ITPR1: variants seen among roughly 807,000 people sequenced by gnomAD.
The protein encoded by ITPR1 is inositol 1,4,5-trisphosphate receptor type 1.
A neutral mutation model predicts 318.4 loss-of-function variants in ITPR1; 96 were observed. The ratio of observed to expected loss-of-function variants is 0.30; its 90% CI spans 0.26 to 0.36. The LOEUF (loss-of-function observed/expected upper bound fraction) is 0.36. ITPR1 is among the 10% of genes least tolerant of loss of function. The pLI is 1.00. For missense variants in ITPR1, 2,440 were observed against 3,460.2 expected, an observed-to-expected ratio of 0.71 and a Z score of 7.40; for synonymous variants, 1,312 against 1,289.9, an observed-to-expected ratio of 1.02 and a Z score of -0.37.
At chr3:4,725,256 G>A (rs1319882424) in intron 40 of ITPR1, among the ~76,000 whole-genome samples, 1 of 152,016 alleles carries the variant, frequency 6.6e-6, no homozygotes, top group Non-Finnish European at 1.5e-5. Flanking sequence ...TTGTTTTAAA[G>A]CATCATTCCT....
At chr3:4,724,717 T>C (rs371043345) in intron 40 of ITPR1, among the ~76,000 whole-genome samples, 2 of 152,278 alleles carry the variant, frequency 1.3e-5, no homozygotes, top group East Asian at 3.9e-4. Flanking sequence ...GGTGGACTTT[T>C]CTCCAGGCAC....
chr3:4,777,169 A>G, intron 47 of ITPR1, 95 bp from the exon 48 acceptor site: 1 of 697,330 alleles, frequency 1.4e-6, no homozygotes, highest in Non-Finnish European at 2.5e-6. Context: ...TGGGAGTGGT[A>G]AGCATTGTGT....
At chr3:4,513,579 T>C (rs1304394978) in intron 2 of ITPR1, among the ~76,000 whole-genome samples, 1 of 152,224 alleles carries the variant, frequency 6.6e-6, no homozygotes, top group Non-Finnish European at 1.5e-5. Flanking sequence ...CTTATTCACT[T>C]ATCTCGGCCA....
At position 4,735,156 on chromosome 3, in the gene ITPR1, C is replaced by G; in HGVS notation, c.5354-8C>G. On this transcript the variant is annotated splice_polypyrimidine_tract_variant and splice_region_variant and intron_variant, in intron 43 of 61. Transcript: ENST00000649015. ...GTGCTTAGTAAAAACAATATTCCAT[C>G]TTCTTAGGGGGAGGTTCCGGATCCA... The G allele has an allele frequency of 6.2e-7, 1 of 1,608,544 alleles. No individual in the cohort carries two copies. The highest frequency in any genetic ancestry group is 8.5e-7 in the Non-Finnish European group (1 of 1,175,418).
At chr3:4,645,845 C>T (rs2093443553) in intron 10 of ITPR1, 117 bp downstream of exon 10, 7 of 859,450 alleles carry the variant, frequency 8.1e-6, no homozygotes, top group South Asian at 1.5e-5. Flanking sequence ...TGTGTCTATA[C>T]ACCCACATAC....
At chr3:4,532,515 C>T (rs373394489) in intron 4 of ITPR1, among the ~76,000 whole-genome samples, 19 of 152,128 alleles carry the variant, frequency 1.2e-4, no homozygotes, top group African/African-American at 3.9e-4. Flanking sequence ...GGATTACAGG[C>T]GTGTGTCACC....
At chr3:4,531,779 C>T (rs1458574939) in intron 4 of ITPR1, among the ~76,000 whole-genome samples, 1 of 152,182 alleles carries the variant, frequency 6.6e-6, no homozygotes, top group South Asian at 2.1e-4. Flanking sequence ...AATGCCCACT[C>T]AACCTTCAAA....
intron 51 of ITPR1, among the ~76,000 whole-genome samples, chr3:4,785,026 A>T (rs2047093771): frequency 6.6e-6 from 1 of 152,268 alleles, no homozygotes; most frequent in African/African-American, 2.4e-5. Context: ...AGTTAAAAAG[A>T]AGACAAGCTG....
intron 44 of ITPR1, among the ~76,000 whole-genome samples, chr3:4,757,861 G>A (rs1241211416): frequency 6.6e-6 from 1 of 152,176 alleles, no homozygotes; most frequent in Non-Finnish European, 1.5e-5. Context: ...AGACAGCCAA[G>A]GTAAGCCCCA....
intron 5 of ITPR1, among the ~76,000 whole-genome samples, chr3:4,628,888 C>A (rs949996502): frequency 6.6e-6 from 1 of 152,254 alleles, no homozygotes; most frequent in African/African-American, 2.4e-5. Context: ...AGAGGTCCTG[C>A]CTCTCACCTT....
intron 33 of ITPR1, 60 bp downstream of exon 33, chr3:4,693,801 C>T: frequency 6.5e-7 from 1 of 1,534,156 alleles, no homozygotes; most frequent in South Asian, 1.2e-5. Context: ...GCTGTCGTGG[C>T]TCACTGGGAG....
At chr3:4,609,025 A>C (rs12635972) in intron 4 of ITPR1, among the ~76,000 whole-genome samples, 2 of 125,658 alleles carry the variant, frequency 1.6e-5, no homozygotes, top group East Asian at 2.8e-4. Flanking sequence ...AAAAAAAAAA[A>C]CAAAAGAAAA....
chr3:4,561,047 C>T (rs77467161), intron 4 of ITPR1, among the ~76,000 whole-genome samples: 1,917 of 152,254 alleles, frequency 0.013, 23 homozygotes, highest in African/African-American at 0.018. Context: ...GTCCATAGAA[C>T]GAGGAGGAGA....
chr3:4,730,790 A>G (rs2042876403), intron 42 of ITPR1, among the ~76,000 whole-genome samples: 1 of 152,156 alleles, frequency 6.6e-6, no homozygotes, highest in South Asian at 2.1e-4. Context: ...GACCCCCTTA[A>G]GAGATGTGTG....
chr3:4,709,408 T>C (rs1214536040), intron 37 of ITPR1, among the ~76,000 whole-genome samples: 2 of 152,254 alleles, frequency 1.3e-5, no homozygotes, highest in Non-Finnish European at 2.9e-5. Flanking sequence ...GATGAAAGAT[T>C]AGTTAATTCT....
At chr3:4,811,800 T>A (rs2048956510) in intron 56 of ITPR1, among the ~76,000 whole-genome samples, 1 of 152,188 alleles carries the variant, frequency 6.6e-6, no homozygotes, top group Admixed American at 6.5e-5. Flanking sequence ...GGATCAATAC[T>A]TAAAGAAAAA....
At chr3:4,775,889 A>G (rs1165749837) in intron 47 of ITPR1, among the ~76,000 whole-genome samples, 2 of 152,236 alleles carry the variant, frequency 1.3e-5, no homozygotes, top group Non-Finnish European at 2.9e-5. Flanking sequence ...GGACATTTTT[A>G]TAGTTGAGAT....
rs749854946 is a variant in ITPR1, at chr3:4,846,588, T to C, written c.*363T>C. 20 of 163,614 alleles carry C rather than the reference T, an allele frequency of 1.2e-4. No homozygotes were observed. Among genetic ancestry groups the C allele is most frequent in the Non-Finnish European group, 1.7e-4 (13 of 75,222 alleles). The allele number at this position is 163,614 out of a possible 1,614,324, so 10.1% of individuals were successfully genotyped here. ...TTATGTTTTTTATAAAACTGTGCAA[T>C]ACGAATTATGCAATCACAATACATT... On this transcript the variant is annotated 3_prime_UTR_variant, in exon 62 of 62. Transcript: ENST00000649015.
At chr3:4,719,265 C>A (rs943656238) in intron 40 of ITPR1, among the ~76,000 whole-genome samples, 1 of 152,258 alleles carries the variant, frequency 6.6e-6, no homozygotes, top group Non-Finnish European at 1.5e-5. Flanking sequence ...GGATCCCCTT[C>A]TGCGTTGTTC....
Sources: allele counts gnomAD v4.1 joint callset (sites outside exome capture counted in the v4.1 genomes callset), GRCh38; gene constraint gnomAD v4.1.1; transcripts MANE v1.5; gene names NCBI Gene and HGNC (gene_info 2026-07-23, HGNC 2026-07-21).